The following ZDHHC2 variants were observed in gnomAD, a reference collection of about 807,000 sequenced individuals.
ZDHHC2 encodes zDHHC palmitoyltransferase 2, also known as palmitoyltransferase ZDHHC2.
In ZDHHC2, 51 loss-of-function variants were observed where a neutral mutation model predicts 55.6. That is an observed-to-expected ratio of 0.92 (90% CI 0.73 to 1.16). The LOEUF is 1.16. ZDHHC2 is among the 50% of genes most tolerant of loss of function. The pLI, the probability that ZDHHC2 is intolerant of heterozygous loss-of-function variation, is 0.00. For missense variants in ZDHHC2, 491 were observed against 442.4 expected (o/e 1.11, Z -0.99); for synonymous variants, 199 against 152.9 (o/e 1.30, Z -2.22).
At chr8:17,206,405 A>AC (rs1285754074) in intron 7 of ZDHHC2, among the ~76,000 whole-genome samples, 1 of 152,202 alleles carries the variant, frequency 6.6e-6, no homozygotes, top group African/African-American at 2.4e-5. Flanking sequence ...AGATGTTGTG[A>AC]CCAGAGGTTC....
chr8:17,197,945 A>G (rs927164184), intron 5 of ZDHHC2, among the ~76,000 whole-genome samples: 23 of 152,206 alleles, frequency 1.5e-4, no homozygotes, highest in African/African-American at 5.3e-4. Flanking sequence ...CCATTTTTAT[A>G]AAGAGAACTC....
chr8:17,211,667 G>T (rs1807390866), intron 10 of ZDHHC2, among the ~76,000 whole-genome samples: 1 of 152,054 alleles, frequency 6.6e-6, no homozygotes, highest in Non-Finnish European at 1.5e-5. Flanking sequence ...CTTTTAAATT[G>T]TCAAAAGAGA....
rs997206484 is a variant in ZDHHC2, at chr8:17,216,972, G to A, written c.1064-200G>A. The stretch of plus-strand genomic sequence containing the variant: ...TCTGTTTTTAGTGTTTTGTGTGTGT[G>A]GGAGAGAGATAGTGGTTGTAACTGA... On this transcript the variant is annotated intron_variant, in intron 11 of 12. Coordinates refer to ENST00000262096, the MANE Select transcript of ZDHHC2 (RefSeq NM_016353.5). 3.9e-5 allele frequency among the ~76,000 whole-genome samples: 6 copies of A among 152,024 alleles called. 1 individual carries two copies. Among genetic ancestry groups the A allele is most frequent in the African/African-American group, 1.4e-4 (6 of 41,420 alleles).
In ZDHHC2 at chr8:17,203,809, CTTTTTTTT is replaced by C. The variant is rs3041019; in HGVS notation, c.477-1836_477-1829del. Among the ~76,000 whole-genome samples, 5 of 130,154 alleles carry C rather than the reference CTTTTTTTT, an allele frequency of 3.8e-5. 1 individual carries two copies. The South Asian group carries it at 1.2e-3, about 31-fold the overall frequency. The allele number at this position is 130,154 out of a possible 152,430, so 85.4% of individuals were successfully genotyped here. A position where few individuals can be genotyped will look rare whatever the true frequency, so the allele number is the denominator to read the frequency against. ...GCACAATTTGTGGCTTCTTTTTTTT[CTTTTTTTT>C]TTTTTTTTTGAGAGGAAGTCTCCCT... On this transcript the variant is annotated intron_variant, in intron 6 of 12. Transcript: ENST00000262096.
At chr8:17,174,705 CTTTTTT>C (rs546670520) in intron 1 of ZDHHC2, among the ~76,000 whole-genome samples, 8 of 61,946 alleles carry the variant, frequency 1.3e-4, no homozygotes, top group African/African-American at 3.2e-4. Flanking sequence ...TTGTGTTATT[CTTTTTT>C]TTTTTTTTTT....
intron 1 of ZDHHC2, among the ~76,000 whole-genome samples, chr8:17,180,587 A>G (rs1220272437): frequency 6.6e-6 from 1 of 152,170 alleles, no homozygotes; most frequent in Non-Finnish European, 1.5e-5. Flanking sequence ...ATAATTGTAC[A>G]TTCATGGGGC....
intron 1 of ZDHHC2, among the ~76,000 whole-genome samples, chr8:17,178,071 A>G (rs530542659): frequency 6.4e-4 from 98 of 152,296 alleles, no homozygotes; most frequent in African/African-American, 1.7e-3. Flanking sequence ...TTTTTTGTCT[A>G]TTATGAAGGT....
At chr8:17,188,829 C>T (rs568045014) in intron 3 of ZDHHC2, among the ~76,000 whole-genome samples, 2 of 152,314 alleles carry the variant, frequency 1.3e-5, no homozygotes, top group South Asian at 4.1e-4. Flanking sequence ...TCATTTAATT[C>T]CCCAGTTCTT....
intron 1 of ZDHHC2, among the ~76,000 whole-genome samples, chr8:17,180,261 A>G (rs1422887523): frequency 6.6e-6 from 1 of 152,246 alleles, no homozygotes; most frequent in Non-Finnish European, 1.5e-5. Context: ...TAACTGGCAC[A>G]TCAAGATCGA....
chr8:17,197,104 C>T (rs1043459840), intron 4 of ZDHHC2, among the ~76,000 whole-genome samples: 1 of 152,132 alleles, frequency 6.6e-6, no homozygotes, highest in Non-Finnish European at 1.5e-5. Context: ...TAAACAAACA[C>T]TGCAGAAATT....
At chr8:17,164,649 T>G (rs748407141) in intron 1 of ZDHHC2, among the ~76,000 whole-genome samples, 40 of 151,894 alleles carry the variant, frequency 2.6e-4, no homozygotes, top group Non-Finnish European at 5.6e-4. Context: ...ATCCAAATAA[T>G]AAAATAGTTT....
chr8:17,161,822 T>A (rs777590673), intron 1 of ZDHHC2, among the ~76,000 whole-genome samples: 1 of 152,154 alleles, frequency 6.6e-6, no homozygotes, highest in Non-Finnish European at 1.5e-5. Flanking sequence ...ATCACACCAC[T>A]GCACTTCAGC....
chr8:17,218,480 T>C (rs1039546127), intron 12 of ZDHHC2, among the ~76,000 whole-genome samples: 1 of 152,182 alleles, frequency 6.6e-6, no homozygotes, highest in African/African-American at 2.4e-5. Flanking sequence ...GTGTGTTAAG[T>C]GTTTTACATA....
At chr8:17,183,962 A>T (rs1273670412) in intron 1 of ZDHHC2, among the ~76,000 whole-genome samples, 1 of 152,150 alleles carries the variant, frequency 6.6e-6, no homozygotes, top group African/African-American at 2.4e-5. Flanking sequence ...AGCGCATTTC[A>T]TTCCAGCACC....
At chr8:17,217,495 A>G (rs1448415466) in intron 12 of ZDHHC2, among the ~76,000 whole-genome samples, 1 of 152,112 alleles carries the variant, frequency 6.6e-6, no homozygotes, top group Non-Finnish European at 1.5e-5. Context: ...ATTTTATATT[A>G]ATGCATTAAG....
At position 17,210,402 on chromosome 8, in the gene ZDHHC2, G is replaced by A. The variant is rs201745513; in HGVS notation, c.872G>A (p.Cys291Tyr). The change falls in exon 10 of 13, where the codon TGC (cysteine) becomes TAC (tyrosine). Residue 291 changes from cysteine (C) to tyrosine (Y), a missense_variant. Coordinates refer to ENST00000262096, the MANE Select transcript of ZDHHC2 (RefSeq NM_016353.5). ...TTTAATTCTAGTCTAGGTGATGGCTGCTCCTTTCCAACTTGCCTTGTTAAC... is the reference window on the plus strand; with the variant it reads ...TTTAATTCTAGTCTAGGTGATGGCTACTCCTTTCCAACTTGCCTTGTTAAC... ...LPIFSSLGDGCSFPTCLVNQD... is the reference protein window; with the variant it reads ...LPIFSSLGDGYSFPTCLVNQD... 1.2e-5 allele frequency: 20 copies of A among 1,613,112 alleles called. No homozygotes were observed. The highest frequency in any genetic ancestry group is 1.7e-4 in the Middle Eastern group (1 of 6,058).
intron 1 of ZDHHC2, among the ~76,000 whole-genome samples, chr8:17,164,349 T>G (rs1014795485): frequency 1.3e-5 from 2 of 152,176 alleles, no homozygotes; most frequent in Non-Finnish European, 1.5e-5. Flanking sequence ...TGGTAGTTCA[T>G]TTTAGGTATG....
chr8:17,203,286 G>A (rs894724303), intron 6 of ZDHHC2, among the ~76,000 whole-genome samples: 1 of 150,744 alleles, frequency 6.6e-6, no homozygotes, highest in Non-Finnish European at 1.5e-5. Flanking sequence ...TGCTCTTGTC[G>A]CCCAGGCTGG....
chr8:17,162,898 A>C (rs1056703383), intron 1 of ZDHHC2: 22 of 152,262 alleles, frequency 1.4e-4, no homozygotes, highest in African/African-American at 4.1e-4. Flanking sequence ...ACGTAAGTAG[A>C]AATGAGTTTT....
Sources: allele counts gnomAD v4.1 joint callset (sites outside exome capture counted in the v4.1 genomes callset), GRCh38; gene constraint gnomAD v4.1.1; transcripts MANE v1.5; gene names NCBI Gene and HGNC (gene_info 2026-07-23, HGNC 2026-07-21).